The following NLN variants were observed in gnomAD, a reference collection of about 807,000 sequenced individuals.
NLN encodes neurolysin, mitochondrial.
Under a neutral mutation model 79.9 loss-of-function variants are expected in NLN, and 64 were observed. The observed-to-expected ratio is 0.80, with a 90% CI of 0.65 to 0.99. NLN has a LOEUF of 0.99. NLN is among the 50% of genes least tolerant of loss of function. NLN has a pLI of 0.00. For synonymous variants in NLN, 267 were observed against 296.6 expected, an observed-to-expected ratio of 0.90 and a Z score of 1.02; for missense variants, 835 against 858.7, an observed-to-expected ratio of 0.97 and a Z score of 0.34.
At chr5:65,818,515 A>G (rs371313296) in intron 12 of NLN, among the ~76,000 whole-genome samples, 1 of 152,250 alleles carries the variant, frequency 6.6e-6, no homozygotes, top group East Asian at 1.9e-4. Context: ...TAATCAGGCA[A>G]CAATTCCTAC....
chr5:65,790,296 C>A (rs1462721406), intron 8 of NLN, among the ~76,000 whole-genome samples: 1 of 152,154 alleles, frequency 6.6e-6, no homozygotes, highest in Non-Finnish European at 1.5e-5. Flanking sequence ...AGTTGGTGGG[C>A]AGAAGTGTCT....
chr5:65,772,896 A>G (rs1759599127), intron 3 of NLN, among the ~76,000 whole-genome samples: 1 of 150,072 alleles, frequency 6.7e-6, no homozygotes, highest in South Asian at 2.1e-4. Flanking sequence ...AGACCCGGCT[A>G]TACTCTGTTA....
At chr5:65,806,122 G>A (rs1385210598) in intron 9 of NLN, among the ~76,000 whole-genome samples, 2 of 152,090 alleles carry the variant, frequency 1.3e-5, no homozygotes, top group African/African-American at 4.8e-5. Context: ...ACCACTCCTT[G>A]ACAAAGCACC....
intron 3 of NLN, among the ~76,000 whole-genome samples, chr5:65,765,260 G>A (rs1759427481): frequency 6.6e-6 from 1 of 152,228 alleles, no homozygotes; most frequent in Non-Finnish European, 1.5e-5. Context: ...GCTCACGCCT[G>A]TAATCCCAGC....
At chr5:65,748,251 G>A (rs1052361816) in intron 1 of NLN, among the ~76,000 whole-genome samples, 1 of 152,030 alleles carries the variant, frequency 6.6e-6, no homozygotes, top group Non-Finnish European at 1.5e-5. Context: ...GTTGAGCTGT[G>A]GGAGAAGTCT....
chr5:65,819,854 C>T (rs896599169), intron 12 of NLN, among the ~76,000 whole-genome samples: 4 of 151,808 alleles, frequency 2.6e-5, no homozygotes, highest in Non-Finnish European at 5.9e-5. Flanking sequence ...TTTTTTTTCC[C>T]TAAGAAAAGC....
In NLN at chr5:65,825,240, C is replaced by G. The variant is rs1028613603; in HGVS notation, c.*2325C>G. On this transcript the variant is annotated 3_prime_UTR_variant, in exon 13 of 13. Transcript: ENST00000380985. ...CATCCGTCTAGTTGTTCTTTTTTTC[C>G]AGATCAGAGCAGAGAATATCACTGA... is the stretch of plus-strand genomic sequence containing the variant. The G allele has an allele frequency of 2.0e-5, 3 of 150,982 alleles. No homozygotes were observed. Among genetic ancestry groups the G allele is most frequent in the Non-Finnish European group, 4.4e-5 (3 of 67,872 alleles). 9.4% of individuals were successfully genotyped at this position (150,982 alleles called of 1,614,324 possible).
chr5:65,725,510 A>G lies in NLN; in HGVS notation c.41+3096A>G, dbSNP rs1396905090. Among the ~76,000 whole-genome samples the G allele has an allele frequency of 2.6e-5, 4 of 152,330 alleles. No individual in the cohort carries two copies. The East Asian group carries it at 5.8e-4, about 22-fold the overall frequency. Reference sequence around the variant, plus strand: ...GGAAATTTTAGTGGTTCACTGTGTTATACAGTTCTTCCTAATGTTGACATA... The same window carrying G: ...GGAAATTTTAGTGGTTCACTGTGTTGTACAGTTCTTCCTAATGTTGACATA... On this transcript the variant is annotated intron_variant, in intron 1 of 12. Coordinates refer to ENST00000380985, the MANE Select transcript of NLN (RefSeq NM_020726.5).
At chr5:65,778,948 C>T (rs1389053538) in intron 4 of NLN, among the ~76,000 whole-genome samples, 1 of 152,038 alleles carries the variant, frequency 6.6e-6, no homozygotes, top group Non-Finnish European at 1.5e-5. Context: ...TCTGAACAGT[C>T]CTGAGGGCAA....
chr5:65,801,402 T>C (rs1212966547), intron 9 of NLN, among the ~76,000 whole-genome samples: 1 of 152,234 alleles, frequency 6.6e-6, no homozygotes, highest in Non-Finnish European at 1.5e-5. Flanking sequence ...GGCTGCTAGA[T>C]TGTGAGTCTT....
At chr5:65,762,702 C>A (rs1487470598) in intron 2 of NLN, among the ~76,000 whole-genome samples, 16 of 141,044 alleles carry the variant, frequency 1.1e-4, no homozygotes, top group South Asian at 2.2e-4. Flanking sequence ...GACCCTGTCT[C>A]AAAAAAAAAA....
intron 3 of NLN, among the ~76,000 whole-genome samples, chr5:65,774,704 A>G (rs1484754233): frequency 1.4e-5 from 2 of 145,272 alleles, no homozygotes; most frequent in African/African-American, 2.5e-5. Flanking sequence ...AATTAGTCAT[A>G]CATATATAAA....
chr5:65,756,128 G>A (rs1004983407), intron 1 of NLN, among the ~76,000 whole-genome samples: 2 of 152,094 alleles, frequency 1.3e-5, no homozygotes, highest in African/African-American at 4.8e-5. Flanking sequence ...CAAGGTCCTA[G>A]AACCCATATT....
Position 65,822,813 on chromosome 5 carries a change from A to C in NLN, c.2013A>C (p.Lys671Asn), listed in dbSNP as rs1760830384. ...TGAAATACAGAAACCTAATCCTGAA[A>C]CCTGGGGGATCTCTGGACGGCATGG... ...VGMKYRNLIL[K>N]PGGSLDGMDM... Residue 671 changes from lysine to asparagine, a missense_variant, in exon 13 of 13, where the codon AAA becomes AAC. Coordinates refer to ENST00000380985, the MANE Select transcript of NLN (RefSeq NM_020726.5). 1 of 1,612,146 alleles carries C rather than the reference A, an allele frequency of 6.2e-7. No homozygotes were observed. The highest frequency in any genetic ancestry group is 2.2e-5 in the East Asian group (1 of 44,866).
At chr5:65,786,904 C>G (rs1167757227) in intron 7 of NLN, among the ~76,000 whole-genome samples, 1 of 152,072 alleles carries the variant, frequency 6.6e-6, no homozygotes, top group African/African-American at 2.4e-5. Context: ...AGGTCTTTTT[C>G]TCAATGGATT....
At position 65,788,190 on chromosome 5, in the gene NLN, A is replaced by C; in HGVS notation, c.1031A>C (p.Glu344Ala). The change falls in exon 8 of 13, where the codon GAA (glutamate) becomes GCA (alanine). Residue 344 changes from glutamate (E) to alanine (A), a missense_variant. Glu to Ala is a moderately radical substitution (Grantham distance 107). Transcript: ENST00000380985. Reference sequence around the variant, plus strand: ...TTTATTTTGAATTTGAAGAAAAAGGAATGCAAAGACAGGGGTTTTGAATAT... The same window carrying C: ...TTTATTTTGAATTTGAAGAAAAAGGCATGCAAAGACAGGGGTTTTGAATAT... ...REFILNLKKK[E>A]CKDRGFEYDG... 1 of 1,614,148 alleles carries C rather than the reference A, an allele frequency of 6.2e-7. No homozygotes were observed. Among genetic ancestry groups the C allele is most frequent in the Non-Finnish European group, 8.5e-7 (1 of 1,179,958 alleles).
At chr5:65,785,508 C>G (rs1759899300) in intron 6 of NLN, among the ~76,000 whole-genome samples, 1 of 151,456 alleles carries the variant, frequency 6.6e-6, no homozygotes, top group South Asian at 2.1e-4. Flanking sequence ...TATATTTTCA[C>G]TCTAAGTTTG....
At chr5:65,788,512 A>G (rs746093298) in intron 8 of NLN, 28 bp downstream of exon 8, 64 of 1,596,958 alleles carry the variant, frequency 4.0e-5, no homozygotes, top group Admixed American at 3.0e-4. Context: ...GTTGGAAGGG[A>G]CCTTAGGGAT....
Position 65,763,061 on chromosome 5 carries a change from G to A in NLN, c.403G>A (p.Glu135Lys). ...CAAAAGACTTTCTCGTTTTGATATTGAGATGAGCATGAGAGGAGATATATT... is the reference window on the plus strand; with the variant it reads ...CAAAAGACTTTCTCGTTTTGATATTAAGATGAGCATGAGAGGAGATATATT... ...ADKRLSRFDI[E>K]MSMRGDIFER... Residue 135 changes from glutamate to lysine, a missense_variant, in exon 3 of 13, where the codon GAG (glutamate) becomes AAG (lysine). Transcript: ENST00000380985. 6.2e-7 allele frequency: 1 copy of A among 1,613,740 alleles called. No individual in the cohort carries two copies. Among genetic ancestry groups the A allele is most frequent in the Non-Finnish European group, 8.5e-7 (1 of 1,179,772 alleles).
Sources: allele counts gnomAD v4.1 joint callset (sites outside exome capture counted in the v4.1 genomes callset), GRCh38; gene constraint gnomAD v4.1.1; transcripts MANE v1.5; gene names NCBI Gene and HGNC (gene_info 2026-07-23, HGNC 2026-07-21).